Variants in FRY observed in about 807,000 individuals in gnomAD.
The protein encoded by FRY is FRY microtubule binding protein.
Under a neutral mutation model 348.4 loss-of-function variants are expected in FRY, and 128 were observed. The ratio of observed to expected loss-of-function variants is 0.37; its 90% CI spans 0.32 to 0.43. FRY has a LOEUF of 0.43. FRY is among the 20% of genes least tolerant of loss of function. The pLI is 1.00. For synonymous variants in FRY, 1,370 were observed against 1,374.7 expected (o/e 1.00, Z 0.08); for missense variants, 2,736 against 3,695.2 (o/e 0.74, Z 6.73).
chr13:32,211,215 A>G (rs1412594129), intron 34 of FRY, among the ~76,000 whole-genome samples, 181 bp downstream of exon 34: 3 of 152,246 alleles, frequency 2.0e-5, no homozygotes, highest in African/African-American at 7.2e-5. Context: ...CACGCCTGTA[A>G]TCCCAGCACT....
chr13:32,094,956 A>G (rs907743131), intron 2 of FRY, among the ~76,000 whole-genome samples: 3 of 152,210 alleles, frequency 2.0e-5, no homozygotes, highest in African/African-American at 4.8e-5. Flanking sequence ...ACTAATTTAC[A>G]TTCCCACCAA....
In FRY at chr13:32,224,998, C is replaced by T. The variant is rs375793201; in HGVS notation, c.4982C>T (p.Ala1661Val). 2.5e-5 allele frequency: 40 copies of T among 1,610,486 alleles called. No individual in the cohort carries two copies. The highest frequency in any genetic ancestry group is 1.8e-4 in the South Asian group (16 of 91,004). Residue 1661 changes from alanine (A) to valine (V), a missense_variant, in exon 38 of 61, where the codon GCG becomes GTG. Physicochemically the swap from Ala to Val is moderately conservative, Grantham distance 64. Coordinates refer to ENST00000542859, the MANE Select transcript of FRY (RefSeq NM_023037.3). ...VVDHSVREDW[A>V]LHLPLLLHAV... ...GATCACAGTGTACGAGAAGACTGGG[C>T]GCTTCATCTACCATTATTACTTCAT...
chr13:32,255,697 A>G (rs1410470508), intron 51 of FRY, among the ~76,000 whole-genome samples: 1 of 152,236 alleles, frequency 6.6e-6, no homozygotes, highest in African/African-American at 2.4e-5. Context: ...GTGATCCATA[A>G]TAAATGATAG....
chr13:32,173,983 T>C lies in FRY; in HGVS notation c.2334+434T>C, dbSNP rs142204305. ...GTTTAATCTTGATGATGGTAGAAAA[T>C]GGCATCACAAAAAACACGTCCTCTT... is the stretch of plus-strand genomic sequence containing the variant. On this transcript the variant is annotated intron_variant, in intron 19 of 60. Coordinates refer to ENST00000542859, the MANE Select transcript of FRY (RefSeq NM_023037.3). Among the ~76,000 whole-genome samples, 768 of 152,296 alleles carry C rather than the reference T, an allele frequency of 5.0e-3. 10 individuals carry two copies. The highest frequency in any genetic ancestry group is 0.018 in the African/African-American group (729 of 41,558).
chr13:32,092,969 T>C (rs1471290012), intron 2 of FRY, among the ~76,000 whole-genome samples: 1 of 152,246 alleles, frequency 6.6e-6, no homozygotes, highest in African/African-American at 2.4e-5. Flanking sequence ...CACGACCTCC[T>C]GTTTTTAGTT....
intron 14 of FRY, among the ~76,000 whole-genome samples, chr13:32,152,446 T>C (rs1880855179): frequency 6.6e-6 from 1 of 152,132 alleles, no homozygotes; most frequent in African/African-American, 2.4e-5. Flanking sequence ...TTGAACAGAA[T>C]AGAGAATCTA....
rs771162976 is a variant in FRY, at chr13:32,239,820, G to C, written c.6626G>C (p.Cys2209Ser). 58 of 1,613,982 alleles carry C rather than the reference G, an allele frequency of 3.6e-5. No individual in the cohort carries two copies. Among genetic ancestry groups the C allele is most frequent in the Non-Finnish European group, 4.7e-5 (56 of 1,180,006 alleles). ...RDCATWVNVV[C>S]RYLHEAYADI... ...TGTGCCACGTGGGTCAATGTGGTCT[G>C]TCGATACCTTCATGAAGCATATGCT... is the stretch of plus-strand genomic sequence containing the variant. The change falls in exon 46 of 61, where the codon TGT becomes TCT. Residue 2209 changes from cysteine (C) to serine (S), a missense_variant. Cys to Ser is a moderately radical substitution (Grantham distance 112). This residue lies in a region of FRY where 789 missense variants were observed against 996.2 expected (regional missense o/e 0.79). Transcript: ENST00000542859. This position sits in a 1 kb window ranked among gnomAD's most constrained non-coding sequence, Gnocchi z 4.3.
intron 59 of FRY, among the ~76,000 whole-genome samples, chr13:32,291,320 A>G (rs761319593): frequency 1.3e-5 from 2 of 152,152 alleles, no homozygotes; most frequent in African/African-American, 4.8e-5. Flanking sequence ...CTATTCAATT[A>G]TAAGTTGTCA....
chr13:32,100,766 A>C (rs1329175011), intron 2 of FRY, among the ~76,000 whole-genome samples: 2 of 152,226 alleles, frequency 1.3e-5, no homozygotes, highest in African/African-American at 4.8e-5. Flanking sequence ...CCAGAAGTCC[A>C]AGATCAAAGC....
chr13:32,262,012 C>G (rs1887674773), intron 52 of FRY, among the ~76,000 whole-genome samples, 196 bp downstream of exon 52: 1 of 152,150 alleles, frequency 6.6e-6, no homozygotes, highest in African/African-American at 2.4e-5. Context: ...AGACTGGGGT[C>G]CATGTGATTC....
Position 32,187,420 on chromosome 13 carries a change from G to A in FRY, c.3481-126G>A, listed in dbSNP as rs1883085695. ...TAAAGAATGCTTTAAAAATCATGGG[G>A]AAATAAGTGTCTTTAGAGGGCCCTT... On this transcript the variant is annotated intron_variant, in intron 27 of 60. Transcript: ENST00000542859. 5.8e-6 allele frequency: 4 copies of A among 693,668 alleles called. No individual in the cohort carries two copies. The Admixed American group carries it at 8.3e-5, about 14-fold the overall frequency. The allele number at this position is 693,668 out of a possible 1,614,324, so 43.0% of individuals were successfully genotyped here.
intron 10 of FRY, 39 bp downstream of exon 10, chr13:32,135,222 T>C: frequency 8.4e-7 from 1 of 1,193,442 alleles, no homozygotes; most frequent in Non-Finnish European, 1.3e-6. Context: ...CAAACAAAAC[T>C]GCACAGACTA....
chr13:32,131,015 C>A (rs2138754160), intron 7 of FRY, among the ~76,000 whole-genome samples: 1 of 152,268 alleles, frequency 6.6e-6, no homozygotes, highest in Non-Finnish European at 1.5e-5. Flanking sequence ...GGGGCTTCAT[C>A]ATATTGGTCA....
chr13:32,118,869 C>G (rs1236128756), intron 4 of FRY, among the ~76,000 whole-genome samples: 1 of 152,036 alleles, frequency 6.6e-6, no homozygotes, highest in East Asian at 1.9e-4. Context: ...ATTATTTTTT[C>G]CATATTACAT....
At chr13:32,162,988 A>G (rs757150977) in intron 17 of FRY, among the ~76,000 whole-genome samples, 1 of 152,176 alleles carries the variant, frequency 6.6e-6, no homozygotes, top group Non-Finnish European at 1.5e-5. Flanking sequence ...AATGAACACG[A>G]TGATTTAGGG....
chr13:32,214,528 A>G (rs1266791949), intron 35 of FRY, among the ~76,000 whole-genome samples: 1 of 152,224 alleles, frequency 6.6e-6, no homozygotes, highest in Non-Finnish European at 1.5e-5. Flanking sequence ...CAGGGAAGCC[A>G]AAAGATTGGA....
chr13:32,221,805 G>A (rs940671846), intron 36 of FRY, among the ~76,000 whole-genome samples: 4 of 152,190 alleles, frequency 2.6e-5, no homozygotes, highest in African/African-American at 7.2e-5. Flanking sequence ...GAGCCACTGC[G>A]CCTGGCCTGT....
intron 58 of FRY, among the ~76,000 whole-genome samples, chr13:32,289,341 G>T (rs1889221318): frequency 6.6e-6 from 1 of 152,064 alleles, no homozygotes; most frequent in African/African-American, 2.4e-5. Context: ...GCTATAATTG[G>T]TAGGTATTTA....
Position 32,202,485 on chromosome 13 carries a change from C to T in FRY, c.3976C>T (p.Leu1326=). 6.2e-7 allele frequency: 1 copy of T among 1,613,904 alleles called. No individual in the cohort carries two copies. Among genetic ancestry groups the T allele is most frequent in the Non-Finnish European group, 8.5e-7 (1 of 1,179,824 alleles). The change falls in exon 31 of 61, where the codon CTG becomes TTG. Residue 1326 remains leucine, a synonymous_variant. Coordinates refer to ENST00000542859, the MANE Select transcript of FRY (RefSeq NM_023037.3). Reference sequence around the variant, plus strand: ...GTCACTTGCCCTCTTGTCATGTGAGCTGGCCAGGATGTACCCTGAGCTCAC... The same window carrying T: ...GTCACTTGCCCTCTTGTCATGTGAGTTGGCCAGGATGTACCCTGAGCTCAC... The part of the protein sequence containing the change: ...SVSLALLSCE[L]ARMYPELTLP...
Sources: allele counts gnomAD v4.1 joint callset (sites outside exome capture counted in the v4.1 genomes callset), GRCh38; gene constraint gnomAD v4.1.1; regional missense constraint gnomAD v4.1.1; non-coding constraint Gnocchi (gnomAD v3.1); transcripts MANE v1.5; gene names NCBI Gene and HGNC (gene_info 2026-07-23, HGNC 2026-07-21).